Variants in CAD observed in about 807,000 individuals in gnomAD.
The protein encoded by CAD is multifunctional protein CAD.
Under a neutral mutation model 237.2 loss-of-function variants are expected in CAD, and 81 were observed. The ratio of observed to expected loss-of-function variants is 0.34; its 90% CI spans 0.29 to 0.41. The LOEUF is 0.41. Among genes scored for constraint, CAD ranks in the 10% least tolerant of loss-of-function variants. The probability of loss-of-function intolerance (pLI) is 1.00; values close to 1 mark genes in which losing one functional copy is unlikely to be tolerated. For missense variants in CAD, 2,181 were observed against 2,951.7 expected (o/e 0.74, Z 6.05); for synonymous variants, 1,196 against 1,162.8 (o/e 1.03, Z -0.58).
chr2:27,234,923 C>T (rs1199753806), intron 23 of CAD, among the ~76,000 whole-genome samples: 1 of 152,156 alleles, frequency 6.6e-6, no homozygotes, highest in Non-Finnish European at 1.5e-5. Flanking sequence ...ACATATTCGA[C>T]CTGTAAACAG....
At chr2:27,219,049 A>G (rs181205507) in intron 2 of CAD, among the ~76,000 whole-genome samples, 3 of 152,202 alleles carry the variant, frequency 2.0e-5, no homozygotes, top group Admixed American at 1.3e-4. Context: ...ACCTTTGTCA[A>G]CTCTAGACAC....
At chr2:27,223,436 A>C in intron 6 of CAD, 127 bp from the exon 7 acceptor site, 4 of 928,598 alleles carry the variant, frequency 4.3e-6, no homozygotes, top group Non-Finnish European at 6.5e-6. Context: ...GTCTCAAAAA[A>C]AAAAAAAAAA....
chr2:27,223,303 C>T (rs1022361382), intron 6 of CAD, among the ~76,000 whole-genome samples: 1 of 151,994 alleles, frequency 6.6e-6, no homozygotes, highest in Non-Finnish European at 1.5e-5. Context: ...TGGTGGCGTG[C>T]GCCTGTAATC....
rs1675916787 is a variant in CAD, at chr2:27,234,698, G to A, written c.3786+13G>A. 3.7e-6 allele frequency: 6 copies of A among 1,612,086 alleles called. No homozygotes were observed. The highest frequency in any genetic ancestry group is 1.7e-5 in the Admixed American group (1 of 59,874). ...CGTGGGAGTAAAGGTAAGGAATATC[G>A]AAACCCTTGGGGTTAGCAGAAAAAT... On this transcript the variant is annotated intron_variant, in intron 23 of 43. Coordinates refer to ENST00000264705, the MANE Select transcript of CAD (RefSeq NM_004341.5).
chr2:27,233,688 G>C lies in CAD; in HGVS notation c.3279G>C (p.Leu1093=). ...YPCVVRPSYV[L]SGAAMNVAYT... is the part of the protein sequence containing the mutation. Reference sequence around the variant, plus strand: ...GTGTGGTGCGCCCCTCCTATGTGCTGAGCGGTGCTGCTATGAATGTGGCCT... The same window carrying C: ...GTGTGGTGCGCCCCTCCTATGTGCTCAGCGGTGCTGCTATGAATGTGGCCT... The change falls in exon 21 of 44, where the codon CTG becomes CTC. Residue 1093 remains leucine, a synonymous_variant. Transcript: ENST00000264705. The surrounding 1 kb of genome is among the most constrained non-coding windows in gnomAD (Gnocchi z 6.3). The C allele has an allele frequency of 6.2e-7, 1 of 1,614,194 alleles. No individual in the cohort carries two copies. The highest frequency in any genetic ancestry group is 8.5e-7 in the Non-Finnish European group (1 of 1,180,040).
chr2:27,239,446 G>A lies in CAD; in HGVS notation c.5369G>A (p.Gly1790Glu). ...ACCGTCCGCCGTGTGGTCCTGCGAGGGGAGGTTGCCTATATCGATGGGCAG... is the reference window on the plus strand; with the variant it reads ...ACCGTCCGCCGTGTGGTCCTGCGAGAGGAGGTTGCCTATATCGATGGGCAG... ...KGTVRRVVLR[G>E]EVAYIDGQVL... The change falls in exon 33 of 44, where the codon GGG becomes GAG. Residue 1790 changes from glycine to glutamate, a missense_variant. Physicochemically the swap from Gly to Glu is moderately conservative, Grantham distance 98. This residue lies in a region of CAD where 478 missense variants were observed against 515.0 expected (regional missense o/e 0.93). Transcript: ENST00000264705. The surrounding 1 kb of genome is among the most constrained non-coding windows in gnomAD (Gnocchi z 4.0). 1 of 1,613,990 alleles carries A rather than the reference G, an allele frequency of 6.2e-7. No homozygotes were observed. The highest frequency in any genetic ancestry group is 1.7e-5 in the Admixed American group (1 of 60,024).
At position 27,235,697 on chromosome 2, in the gene CAD, A is replaced by G; in HGVS notation, c.4074+57A>G. The G allele has an allele frequency of 3.5e-6, 5 of 1,434,976 alleles. No individual in the cohort carries two copies. The highest frequency in any genetic ancestry group is 4.9e-6 in the Non-Finnish European group (5 of 1,020,822). The allele number at this position is 1,434,976 out of a possible 1,614,324, so 88.9% of individuals were successfully genotyped here. A position where few individuals can be genotyped will look rare whatever the true frequency, so the allele number is the denominator to read the frequency against. On this transcript the variant is annotated intron_variant, in intron 25 of 43. Coordinates refer to ENST00000264705, the MANE Select transcript of CAD (RefSeq NM_004341.5). The surrounding 1 kb of genome is among the most constrained non-coding windows in gnomAD (Gnocchi z 5.2). ...TGCCCTTCCCCAAGGGGGTGAAAATACTGCACCAAAGAATTATCTGGGCTG... is the reference window on the plus strand; with the variant it reads ...TGCCCTTCCCCAAGGGGGTGAAAATGCTGCACCAAAGAATTATCTGGGCTG...
intron 23 of CAD, 41 bp downstream of exon 23, chr2:27,234,726 C>T (rs375760670): frequency 8.8e-5 from 139 of 1,575,898 alleles, no homozygotes; most frequent in Non-Finnish European, 1.1e-4. Context: ...AGAAAAATAG[C>T]GGGAGAGAGT....
At chr2:27,231,005 TG>T (rs1253109132) in intron 15 of CAD, among the ~76,000 whole-genome samples, 1 of 152,162 alleles carries the variant, frequency 6.6e-6, no homozygotes, top group Non-Finnish European at 1.5e-5. Context: ...TTTGTTTGTT[TG>T]TTTGTTTTGT....
intron 2 of CAD, among the ~76,000 whole-genome samples, chr2:27,219,919 T>C (rs926031382): frequency 6.6e-6 from 1 of 152,174 alleles, no homozygotes; most frequent in African/African-American, 2.4e-5. Flanking sequence ...CAAATGAAGT[T>C]TGGGAGGCAT....
chr2:27,226,229 C>T lies in CAD; in HGVS notation c.1941C>T (p.Leu647=), dbSNP rs1487337518. ...SQTLNDREYQ[L]LRQTAIKVTQ... The stretch of plus-strand genomic sequence containing the variant: ...CACTGAATGACAGGGAGTATCAGCT[C>T]CTGAGGCAGACAGCTATCAAGGTGA... Residue 647 remains leucine (L), a synonymous_variant, in exon 13 of 44, where the codon CTC becomes CTT. Coordinates refer to ENST00000264705, the MANE Select transcript of CAD (RefSeq NM_004341.5). 3.1e-6 allele frequency: 5 copies of T among 1,614,134 alleles called. No individual in the cohort carries two copies. The highest frequency in any genetic ancestry group is 4.2e-6 in the Non-Finnish European group (5 of 1,179,952).
Position 27,237,937 on chromosome 2 carries a change from G to A in CAD, c.4728+55G>A. 6.3e-7 allele frequency: 1 copy of A among 1,575,166 alleles called. No individual in the cohort carries two copies. On this transcript the variant is annotated intron_variant, in intron 29 of 43. Transcript: ENST00000264705. This position sits in a 1 kb window ranked among gnomAD's most constrained non-coding sequence, Gnocchi z 4.0. The stretch of plus-strand genomic sequence containing the variant: ...CCACCCAGTGTCTCCTGGCTTGTGG[G>A]CCCCTGCCTAAGTGGGCTGGTAGCA...
At chr2:27,230,557 C>G (rs1237466647) in intron 15 of CAD, among the ~76,000 whole-genome samples, 2 of 151,782 alleles carry the variant, frequency 1.3e-5, no homozygotes, top group African/African-American at 4.8e-5. Flanking sequence ...ACCCAGGAAG[C>G]AGAGGTTGCA....
chr2:27,242,819 T>G lies in CAD; in HGVS notation c.6378+44T>G. On this transcript the variant is annotated intron_variant, in intron 41 of 43. Transcript: ENST00000264705. This position sits in a 1 kb window ranked among gnomAD's most constrained non-coding sequence, Gnocchi z 6.4. Reference sequence around the variant, plus strand: ...TGCCTGGAAGCCATGGAGATGTGGGTTGGGCAGTCAGAGCCCAGCGCTGCA... The same window carrying G: ...TGCCTGGAAGCCATGGAGATGTGGGGTGGGCAGTCAGAGCCCAGCGCTGCA... 1 of 1,613,900 alleles carries G rather than the reference T, an allele frequency of 6.2e-7. No homozygotes were observed. Among genetic ancestry groups the G allele is most frequent in the Non-Finnish European group, 8.5e-7 (1 of 1,179,784 alleles).
In CAD at chr2:27,217,517, C is replaced by T. The variant is rs1448399545; in HGVS notation, c.-35C>T. 5 of 1,553,530 alleles carry T rather than the reference C, an allele frequency of 3.2e-6. No homozygotes were observed. Among genetic ancestry groups the T allele is most frequent in the Admixed American group, 1.8e-5 (1 of 56,492 alleles). Reference sequence around the variant, plus strand: ...GTGGAGTTTGCAGTCCTTCCCGCTTCTCCGTACTCGCCCCCGCCTCTGAGC... The same window carrying T: ...GTGGAGTTTGCAGTCCTTCCCGCTTTTCCGTACTCGCCCCCGCCTCTGAGC... On this transcript the variant is annotated 5_prime_UTR_variant, in exon 1 of 44. Coordinates refer to ENST00000264705, the MANE Select transcript of CAD (RefSeq NM_004341.5).
chr2:27,241,943 G>A lies in CAD; in HGVS notation c.5916G>A (p.Val1972=). The A allele has an allele frequency of 6.2e-7, 1 of 1,613,686 alleles. No individual in the cohort carries two copies. The highest frequency in any genetic ancestry group is 8.5e-7 in the Non-Finnish European group (1 of 1,179,980). ...TCATGGCCTCCATGTTCTATGAAGT[G>A]AGCACACGGACCAGCAGCTCCTTTG... ...GKVMASMFYE[V]STRTSSSFAA... is the part of the protein sequence containing the mutation. Residue 1972 remains valine, a synonymous_variant, in exon 39 of 44, where the codon GTG becomes GTA. Transcript: ENST00000264705. This position sits in a 1 kb window ranked among gnomAD's most constrained non-coding sequence, Gnocchi z 4.6.
chr2:27,218,986 C>T (rs1675015692), intron 2 of CAD, among the ~76,000 whole-genome samples: 3 of 152,198 alleles, frequency 2.0e-5, no homozygotes, highest in Non-Finnish European at 4.4e-5. Flanking sequence ...AAATACACTG[C>T]ATTCTAGTTG....
rs756533793 is a variant in CAD, at chr2:27,217,908, G to A, written c.114G>A (p.Glu38=). Reference sequence around the variant, plus strand: ...AAACCGGCATGGTCGGCTACCCCGAGGCCCTCACTGATCCCTCCTACAAGG... The same window carrying A: ...AAACCGGCATGGTCGGCTACCCCGAAGCCCTCACTGATCCCTCCTACAAGG... ...VFQTGMVGYP[E]ALTDPSYKAQ... Residue 38 remains glutamate, a synonymous_variant, in exon 2 of 44, where the codon GAG becomes GAA. Transcript: ENST00000264705. 1.2e-6 allele frequency: 2 copies of A among 1,610,242 alleles called. No homozygotes were observed. Among genetic ancestry groups the A allele is most frequent in the South Asian group, 2.2e-5 (2 of 90,518 alleles).
chr2:27,224,671 G>A (rs1355547130), intron 9 of CAD, 74 bp from the exon 10 acceptor site: 3 of 1,566,242 alleles, frequency 1.9e-6, no homozygotes, highest in Non-Finnish European at 2.6e-6. Context: ...GAAAGAAGAG[G>A]AGAATGCTAC....
Sources: allele counts gnomAD v4.1 joint callset (sites outside exome capture counted in the v4.1 genomes callset), GRCh38; gene constraint gnomAD v4.1.1; regional missense constraint gnomAD v4.1.1; non-coding constraint Gnocchi (gnomAD v3.1); transcripts MANE v1.5; gene names NCBI Gene and HGNC (gene_info 2026-07-23, HGNC 2026-07-21).